GTF2F2: variants seen among roughly 807,000 people sequenced by gnomAD.
GTF2F2 encodes ATP-dependent helicase GTF2F2.
GTF2F2 carries 23 observed loss-of-function variants against 42.2 expected under a neutral mutation model. The ratio of observed to expected loss-of-function variants is 0.55; its 90% CI spans 0.39 to 0.77. The LOEUF (loss-of-function observed/expected upper bound fraction) is 0.77, where lower values mean the gene tolerates loss of function less well. GTF2F2 is among the 30% of genes least tolerant of loss of function. The pLI, the probability that GTF2F2 is intolerant of heterozygous loss-of-function variation, is 0.00. For missense variants in GTF2F2, 261 were observed against 287.2 expected (o/e 0.91, Z 0.66); for synonymous variants, 105 against 100.8 (o/e 1.04, Z -0.25).
intron 4 of GTF2F2, among the ~76,000 whole-genome samples, chr13:45,173,158 A>G (rs770121108): frequency 1.3e-4 from 20 of 152,014 alleles, no homozygotes; most frequent in Admixed American, 5.2e-4. Flanking sequence ...AATATGTTCT[A>G]TTTTTCTAAT....
chr13:45,193,419 T>C (rs1872732338), intron 4 of GTF2F2: 1 of 167,418 alleles, frequency 6.0e-6, no homozygotes, highest in Admixed American at 6.1e-5. Flanking sequence ...TTAAAATATT[T>C]TATTACCATT....
Position 45,191,236 on chromosome 13 carries a change from T to A in GTF2F2, c.305-16188T>A, listed in dbSNP as rs1401921730. 1.3e-3 allele frequency among the ~76,000 whole-genome samples: 172 copies of A among 129,466 alleles called. 7 individuals carry two copies. The highest frequency in any genetic ancestry group is 4.8e-3 in the African/African-American group (141 of 29,684). The allele number at this position is 129,466 out of a possible 152,430, so 84.9% of individuals were successfully genotyped here. On this transcript the variant is annotated intron_variant, in intron 4 of 7. Transcript: ENST00000340473. The stretch of plus-strand genomic sequence containing the variant: ...AATACAAAAAAAAAATATATATATA[T>A]ATATATATATATATATATAGCCATA...
chr13:45,154,056 T>C (rs1870635327), intron 4 of GTF2F2, among the ~76,000 whole-genome samples: 1 of 151,394 alleles, frequency 6.6e-6, no homozygotes, highest in South Asian at 2.1e-4. Context: ...TGAGATTTAA[T>C]AAGATCTGTT....
At chr13:45,248,504 G>T (rs746684324) in intron 5 of GTF2F2, among the ~76,000 whole-genome samples, 1 of 151,320 alleles carries the variant, frequency 6.6e-6, no homozygotes, top group South Asian at 2.1e-4. Flanking sequence ...ACGGAGTTTC[G>T]CTCTTGTTGC....
chr13:45,249,267 A>G (rs1054315694), intron 5 of GTF2F2, among the ~76,000 whole-genome samples: 3 of 152,198 alleles, frequency 2.0e-5, no homozygotes, highest in African/African-American at 7.2e-5. Flanking sequence ...TTCAGTTCAT[A>G]CATTAACCTT....
intron 4 of GTF2F2, among the ~76,000 whole-genome samples, chr13:45,189,106 A>G (rs1402884143): frequency 6.6e-6 from 1 of 151,974 alleles, no homozygotes. Flanking sequence ...CCTGTGTCCA[A>G]GTGTTCTCAT....
intron 4 of GTF2F2, among the ~76,000 whole-genome samples, chr13:45,173,806 A>G (rs1188625623): frequency 3.3e-5 from 5 of 151,322 alleles, no homozygotes; most frequent in Non-Finnish European, 7.4e-5. Context: ...TTTAGTAGAG[A>G]TGGGGTTTCA....
chr13:45,279,344 A>G (rs139083258), intron 7 of GTF2F2, among the ~76,000 whole-genome samples: 1 of 152,350 alleles, frequency 6.6e-6, no homozygotes, highest in African/African-American at 2.4e-5. Flanking sequence ...GTCACCAACA[A>G]TATTTTAGCA....
rs1874852307 is a variant in GTF2F2 at position 45,234,539 on chromosome 13, T to G, written c.387-18332T>G. On this transcript the variant is annotated intron_variant, in intron 5 of 7. Transcript: ENST00000340473. ...AAAAAAACTGGCTTAAACATTTTTA[T>G]AATGCCTTTTTCCTACTAATAGCAA... is the stretch of plus-strand genomic sequence containing the variant. Among the ~76,000 whole-genome samples the G allele has an allele frequency of 2.6e-5, 4 of 152,338 alleles. No homozygotes were observed. The South Asian group carries it at 8.3e-4, about 32-fold the overall frequency.
intron 1 of GTF2F2, among the ~76,000 whole-genome samples, chr13:45,133,512 T>C (rs1179592133): frequency 1.3e-5 from 2 of 152,036 alleles, no homozygotes; most frequent in Non-Finnish European, 2.9e-5. Flanking sequence ...TCATTTGTTT[T>C]ATGGTATGAG....
At chr13:45,199,119 G>A (rs1873047749) in intron 4 of GTF2F2, among the ~76,000 whole-genome samples, 1 of 152,184 alleles carries the variant, frequency 6.6e-6, no homozygotes, top group Admixed American at 6.5e-5. Context: ...ACCTTCCTAG[G>A]ACTAATAGGA....
chr13:45,208,609 A>G (rs184566699), intron 5 of GTF2F2, among the ~76,000 whole-genome samples: 53 of 152,288 alleles, frequency 3.5e-4, no homozygotes, highest in African/African-American at 1.1e-3. Flanking sequence ...CTGCTGAAGT[A>G]GTGGTAGTGG....
chr13:45,135,907 A>G (rs1401803591), intron 1 of GTF2F2, among the ~76,000 whole-genome samples: 1 of 152,220 alleles, frequency 6.6e-6, no homozygotes, highest in Non-Finnish European at 1.5e-5. Flanking sequence ...CCAGAGTCCA[A>G]ATTACTTTTT....
intron 1 of GTF2F2, among the ~76,000 whole-genome samples, chr13:45,122,533 C>G (rs71431320): frequency 0.011 from 1,673 of 152,188 alleles, 19 homozygotes; most frequent in Non-Finnish European, 0.018. Flanking sequence ...ACTTGGGAGG[C>G]TGAGGCAGAA....
At chr13:45,136,057 G>A (rs1219912757) in intron 1 of GTF2F2, among the ~76,000 whole-genome samples, 2 of 152,228 alleles carry the variant, frequency 1.3e-5, no homozygotes, top group African/African-American at 2.4e-5. Context: ...AGACCCTGGA[G>A]GCAGAATGCC....
intron 4 of GTF2F2, among the ~76,000 whole-genome samples, chr13:45,154,897 C>T (rs1292870495): frequency 1.3e-5 from 2 of 152,084 alleles, no homozygotes; most frequent in African/African-American, 2.4e-5. Context: ...AAATGTTTCT[C>T]AATTGCCTGC....
chr13:45,273,654 A>ATTTTTTTTTTTTTTTTTTT (rs1331934269), intron 7 of GTF2F2, among the ~76,000 whole-genome samples: 2 of 110,830 alleles, frequency 1.8e-5, no homozygotes, highest in Non-Finnish European at 3.6e-5. Context: ...AGAGTGGTAA[A>ATTTTTTTTTTTTTTTTTTT]ATTTTTTTTT....
chr13:45,276,176 C>T (rs913681362), intron 7 of GTF2F2, among the ~76,000 whole-genome samples: 12 of 152,086 alleles, frequency 7.9e-5, no homozygotes, highest in Admixed American at 2.6e-4. Context: ...GGACTTGTAA[C>T]GCAAGAATAT....
intron 4 of GTF2F2, among the ~76,000 whole-genome samples, chr13:45,203,454 T>G (rs1019782522): frequency 6.6e-6 from 1 of 152,202 alleles, no homozygotes; most frequent in Non-Finnish European, 1.5e-5. Context: ...ACTGTGAAAC[T>G]ATCTAAATGC....
Sources: allele counts gnomAD v4.1 joint callset (sites outside exome capture counted in the v4.1 genomes callset), GRCh38; gene constraint gnomAD v4.1.1; transcripts MANE v1.5; gene names NCBI Gene and HGNC (gene_info 2026-07-23, HGNC 2026-07-21).